FGD4: variants seen among roughly 807,000 people sequenced by gnomAD.
FGD4 encodes the protein FYVE, RhoGEF and PH domain containing 4.
In FGD4, 42 loss-of-function variants were observed where a neutral mutation model predicts 102.0. The ratio of observed to expected loss-of-function variants is 0.41; its 90% CI spans 0.32 to 0.53. FGD4 has a LOEUF of 0.53. Ranked by LOEUF, FGD4 falls within the 20% of genes least tolerant of loss-of-function variation. The pLI is 0.21. For synonymous variants in FGD4, 380 were observed against 375.7 expected (o/e 1.01, Z -0.13); for missense variants, 902 against 1,078.2 (o/e 0.84, Z 2.29).
chr12:32,622,801 C>G (rs1264801113), intron 11 of FGD4, among the ~76,000 whole-genome samples: 1 of 152,052 alleles, frequency 6.6e-6, no homozygotes, highest in Admixed American at 6.6e-5. Context: ...CCATGTTGTC[C>G]AGGCTGGTCT....
At chr12:32,402,117 ATTTTTTTTTT>A (rs56852726) in intron 1 of FGD4, among the ~76,000 whole-genome samples, 16 of 105,196 alleles carry the variant, frequency 1.5e-4, no homozygotes, top group South Asian at 6.2e-4. Flanking sequence ...TTGGCCAGGC[ATTTTTTTTTT>A]TTTTTTTTTT....
intron 3 of FGD4, 72 bp downstream of exon 3, chr12:32,576,521 G>T: frequency 6.7e-7 from 1 of 1,503,028 alleles, no homozygotes; most frequent in African/African-American, 1.4e-5. Context: ...GATAGTCATA[G>T]ATACATTCTA....
rs1942155466 is a variant in FGD4, at chr12:32,535,347, TC to T, written c.167-28788del. On this transcript the variant is annotated intron_variant, in intron 1 of 16. Transcript: ENST00000534526. ...TCTTTCTGATGGTGGTGTGGCTCTT[TC>T]CTTCCTTAAGTGTCAGGGGCATACG... Among the ~76,000 whole-genome samples, 4 of 152,220 alleles carry T rather than the reference TC, an allele frequency of 2.6e-5. No homozygotes were observed. In the South Asian group the frequency reaches 8.3e-4, roughly 32 times the overall value.
chr12:32,497,597 A>G (rs1937899115), intron 1 of FGD4, among the ~76,000 whole-genome samples: 1 of 152,168 alleles, frequency 6.6e-6, no homozygotes, highest in Admixed American at 6.5e-5. Flanking sequence ...AGGCACCGCT[A>G]ACAATATCTG....
chr12:32,628,817 G>A (rs1592469419), intron 14 of FGD4, among the ~76,000 whole-genome samples: 1 of 152,200 alleles, frequency 6.6e-6, no homozygotes, highest in Admixed American at 6.5e-5. Flanking sequence ...ATATGTTTGG[G>A]GATGAGGCTG....
chr12:32,498,879 G>T (rs965253870), intron 1 of FGD4, among the ~76,000 whole-genome samples: 2 of 152,218 alleles, frequency 1.3e-5, no homozygotes, highest in African/African-American at 2.4e-5. Flanking sequence ...GGGATTACAG[G>T]CGTGAGCCAC....
chr12:32,524,288 C>T (rs1224562816), intron 1 of FGD4, among the ~76,000 whole-genome samples: 3 of 146,724 alleles, frequency 2.0e-5, no homozygotes, highest in Admixed American at 7.1e-5. Flanking sequence ...CCCAGCTACT[C>T]GGGAGGCTGA....
chr12:32,416,794 A>C (rs1257871367), intron 1 of FGD4, among the ~76,000 whole-genome samples: 1 of 152,200 alleles, frequency 6.6e-6, no homozygotes, highest in African/African-American at 2.4e-5. Flanking sequence ...TTCACACACC[A>C]AAAATTGCCA....
intron 1 of FGD4, among the ~76,000 whole-genome samples, chr12:32,404,771 T>C (rs1415995072): frequency 1.3e-5 from 2 of 152,126 alleles, no homozygotes; most frequent in African/African-American, 4.8e-5. Flanking sequence ...AATCATACAA[T>C]GTTCTAAACA....
At chr12:32,500,986 A>G (rs1472688579) in intron 1 of FGD4, among the ~76,000 whole-genome samples, 2 of 152,224 alleles carry the variant, frequency 1.3e-5, no homozygotes, top group Middle Eastern at 3.2e-3. Flanking sequence ...GATGTGTACA[A>G]ATAACTGTGC....
intron 3 of FGD4, among the ~76,000 whole-genome samples, chr12:32,577,806 T>C (rs1227990239): frequency 6.6e-6 from 1 of 152,174 alleles, no homozygotes; most frequent in Non-Finnish European, 1.5e-5. Context: ...TGACCCCTCA[T>C]GTTTGCAAAT....
chr12:32,619,645 A>G (rs1040269939), intron 10 of FGD4, 53 bp from the exon 11 acceptor site: 8 of 1,600,386 alleles, frequency 5.0e-6, no homozygotes, highest in Non-Finnish European at 6.9e-6. Flanking sequence ...AAAAAACCTG[A>G]TCAGTTTCCC....
intron 2 of FGD4, among the ~76,000 whole-genome samples, chr12:32,571,440 G>A (rs1166708177): frequency 6.6e-6 from 1 of 151,346 alleles, no homozygotes; most frequent in East Asian, 1.9e-4. Context: ...GGGTGACAGA[G>A]TGAGATTCTG....
chr12:32,607,905 G>A, intron 7 of FGD4, 52 bp from the exon 8 acceptor site: 1 of 1,608,530 alleles, frequency 6.2e-7, no homozygotes, highest in Non-Finnish European at 8.5e-7. Context: ...TGAGTTTTTA[G>A]ACTTGCTAAC....
chr12:32,444,919 ATATTAT>A (rs1021364598), intron 1 of FGD4, among the ~76,000 whole-genome samples: 3 of 152,228 alleles, frequency 2.0e-5, no homozygotes, highest in Non-Finnish European at 4.4e-5. Context: ...ATGGTGATTG[ATATTAT>A]TAATAGATAT....
intron 1 of FGD4, among the ~76,000 whole-genome samples, chr12:32,525,133 A>G (rs957899583): frequency 1.3e-5 from 2 of 152,098 alleles, no homozygotes; most frequent in Admixed American, 6.5e-5. Flanking sequence ...CCATCCTGAA[A>G]TTGTTGTCTA....
rs1753604103 is a variant in FGD4, at chr12:32,544,203, A to G, written c.167-19934A>G. Among the ~76,000 whole-genome samples the G allele has an allele frequency of 6.6e-6, 1 of 152,062 alleles. No homozygotes were observed. The highest frequency in any genetic ancestry group is 2.4e-5 in the African/African-American group (1 of 41,426). ...CACTTTGGGAGTCCGAGATGGGTGG[A>G]TCTCCTGAGGTCAGGATTTCGAGAC... On this transcript the variant is annotated intron_variant, in intron 1 of 16. Transcript: ENST00000534526. The surrounding 1 kb of genome is among the most constrained non-coding windows in gnomAD (Gnocchi z 4.1).
At chr12:32,503,242 C>G (rs1592030871) in intron 1 of FGD4, among the ~76,000 whole-genome samples, 1 of 152,068 alleles carries the variant, frequency 6.6e-6, no homozygotes, top group East Asian at 1.9e-4. Flanking sequence ...AACCATAGGG[C>G]CAGTGCTCTG....
intron 1 of FGD4, among the ~76,000 whole-genome samples, chr12:32,514,317 G>T (rs1000081914): frequency 2.6e-5 from 4 of 152,178 alleles, no homozygotes; most frequent in African/African-American, 9.6e-5. Context: ...TTTTTGAAAT[G>T]TAAGAAGGAA....
Sources: gnomAD v4.1 joint callset for allele counts (sites outside exome capture counted in the v4.1 genomes callset) on GRCh38, gnomAD v4.1.1 for gene constraint, Gnocchi (gnomAD v3.1) non-coding constraint, MANE v1.5 for transcripts, NCBI Gene and HGNC (gene_info 2026-07-23, HGNC 2026-07-21) for gene names.